Variants in B3GLCT observed in about 807,000 individuals in gnomAD.
B3GLCT encodes the protein beta-1,3-glucosyltransferase.
B3GLCT carries 65 observed loss-of-function variants against 63.4 expected under a neutral mutation model. The observed-to-expected ratio is 1.03, with a 90% CI of 0.84 to 1.26. The LOEUF (loss-of-function observed/expected upper bound fraction) is 1.26. Among genes scored for constraint, B3GLCT ranks in the 50% most tolerant of loss-of-function variants. B3GLCT has a pLI of 0.00. For missense variants in B3GLCT, 577 were observed against 604.8 expected (o/e 0.95, Z 0.48); for synonymous variants, 233 against 219.2 (o/e 1.06, Z -0.55).
intron 1 of B3GLCT, among the ~76,000 whole-genome samples, chr13:31,201,897 G>A (rs936803802): frequency 1.6e-4 from 24 of 152,172 alleles, no homozygotes; most frequent in African/African-American, 5.8e-4. Flanking sequence ...GACATAAAAT[G>A]CATTAAAAGG....
chr13:31,213,651 C>T (rs1005208522), intron 1 of B3GLCT, among the ~76,000 whole-genome samples: 6 of 122,434 alleles, frequency 4.9e-5, no homozygotes, highest in Admixed American at 1.1e-4. Flanking sequence ...CTCACTATAA[C>T]TGTATTCCTG....
intron 6 of B3GLCT, among the ~76,000 whole-genome samples, chr13:31,255,994 A>C (rs962792711): frequency 3.1e-4 from 47 of 152,364 alleles, no homozygotes; most frequent in African/African-American, 1.0e-3. Flanking sequence ...AACTATCATC[A>C]GACCAAACAT....
chr13:31,236,556 C>T (rs988244964), intron 4 of B3GLCT, among the ~76,000 whole-genome samples: 5 of 152,130 alleles, frequency 3.3e-5, no homozygotes, highest in African/African-American at 9.7e-5. Context: ...ATACGAAGGT[C>T]GGTTATTGTT....
Position 31,199,995 on chromosome 13 carries a change from G to C in B3GLCT, c.-90G>C, listed in dbSNP as rs113017441. On this transcript the variant is annotated 5_prime_UTR_variant, in exon 1 of 15. Transcript: ENST00000343307. ...CCGGCAGAGAAGGGTCAGCCGCGGC[G>C]GCAGGGCGGCGGCGGCAGCGGCGCA... 1.3e-6 allele frequency: 1 copy of C among 751,010 alleles called. No individual in the cohort carries two copies. The highest frequency in any genetic ancestry group is 1.8e-6 in the Non-Finnish European group (1 of 570,066). The allele number at this position is 751,010 out of a possible 1,614,324, so 46.5% of individuals were successfully genotyped here.
intron 10 of B3GLCT, among the ~76,000 whole-genome samples, chr13:31,283,958 T>C (rs1873193449): frequency 6.6e-6 from 1 of 152,196 alleles, no homozygotes; most frequent in Non-Finnish European, 1.5e-5. Context: ...CTTGGTCAGG[T>C]GAATTAATAT....
chr13:31,289,059 C>G (rs1462708285), intron 12 of B3GLCT, among the ~76,000 whole-genome samples: 1 of 151,842 alleles, frequency 6.6e-6, no homozygotes, highest in African/African-American at 2.4e-5. Context: ...ATTTAAAAAA[C>G]CAAACAGATT....
chr13:31,253,961 T>C (rs1407861687), intron 6 of B3GLCT, among the ~76,000 whole-genome samples: 2 of 151,336 alleles, frequency 1.3e-5, no homozygotes, highest in East Asian at 3.9e-4. Flanking sequence ...CCTGGACACA[T>C]GCAAGACTAA....
intron 6 of B3GLCT, among the ~76,000 whole-genome samples, chr13:31,251,307 C>A (rs139744935): frequency 6.6e-6 from 1 of 152,190 alleles, no homozygotes; most frequent in Non-Finnish European, 1.5e-5. Context: ...AACACCTCTT[C>A]TCCTTCAAAG....
intron 4 of B3GLCT, 101 bp downstream of exon 4, chr13:31,229,395 C>A (rs541254146): frequency 2.6e-6 from 2 of 772,030 alleles, no homozygotes; most frequent in African/African-American, 1.7e-5. Context: ...TTTATTTAGA[C>A]GAGAATAACT....
chr13:31,286,969 A>G (rs1474365720), intron 12 of B3GLCT, 150 bp downstream of exon 12: 3 of 570,184 alleles, frequency 5.3e-6, no homozygotes, highest in South Asian at 5.5e-5. Flanking sequence ...AACAAAATAT[A>G]TAAAACAAAG....
Position 31,215,131 on chromosome 13 carries a change from C to T in B3GLCT, c.120+31C>T. On this transcript the variant is annotated intron_variant, in intron 2 of 14. Coordinates refer to ENST00000343307, the MANE Select transcript of B3GLCT (RefSeq NM_194318.4). ...AATCCCAATGATCAAATCTTTTCCT[C>T]CCTTCTAAGATTCATTTGTATTTTC... The T allele has an allele frequency of 1.9e-6, 3 of 1,585,004 alleles. No homozygotes were observed. In the South Asian group the frequency reaches 3.3e-5, roughly 18 times the overall value.
At chr13:31,280,361 T>A (rs1873010338) in intron 10 of B3GLCT, among the ~76,000 whole-genome samples, 1 of 152,220 alleles carries the variant, frequency 6.6e-6, no homozygotes, top group Non-Finnish European at 1.5e-5. Flanking sequence ...GGTCCCTCCG[T>A]TTGGGGTCCC....
At chr13:31,302,566 G>A (rs1409135686) in intron 12 of B3GLCT, among the ~76,000 whole-genome samples, 3 of 108,922 alleles carry the variant, frequency 2.8e-5, no homozygotes, top group African/African-American at 7.0e-5. Context: ...AAGGGGTGAC[G>A]GACGCACCTG....
chr13:31,309,044 A>T (rs1014986497), intron 12 of B3GLCT, among the ~76,000 whole-genome samples: 25 of 152,174 alleles, frequency 1.6e-4, no homozygotes, highest in African/African-American at 5.6e-4. Context: ...CCAATTCTCC[A>T]TCTCTAAATT....
In B3GLCT at chr13:31,274,591, A is replaced by C. The variant is rs1021618959; in HGVS notation, c.743A>C (p.Tyr248Ser). The change falls in exon 9 of 15, where the codon TAC becomes TCC. Residue 248 changes from tyrosine to serine, a missense_variant. Physicochemically the swap from Tyr to Ser is moderately radical, Grantham distance 144 (BLOSUM62 -2). Coordinates refer to ENST00000343307, the MANE Select transcript of B3GLCT (RefSeq NM_194318.4). ...PEFCTNDVDF[Y>S]CATTFHSFLP... ...TTTTGTACCAATGACGTGGACTTCT[A>C]CTGTGCTACCACATTCCATTCTTTT... The C allele has an allele frequency of 3.1e-5, 50 of 1,614,104 alleles. No homozygotes were observed. Among genetic ancestry groups the C allele is most frequent in the Non-Finnish European group, 4.0e-5 (47 of 1,180,050 alleles).
intron 12 of B3GLCT, among the ~76,000 whole-genome samples, chr13:31,304,644 TGCACCCAATACAGGA>T (rs1319617950): frequency 2.8e-5 from 1 of 36,112 alleles, no homozygotes; most frequent in Non-Finnish European, 5.0e-5. Flanking sequence ...TAAATATTTA[TGCACCCAATACAGGA>T]GCACCCAGAT....
At chr13:31,204,207 G>A (rs568778048) in intron 1 of B3GLCT, among the ~76,000 whole-genome samples, 2 of 152,242 alleles carry the variant, frequency 1.3e-5, no homozygotes, top group South Asian at 4.1e-4. Context: ...ATCTCAACAG[G>A]GAGCCATCTT....
intron 2 of B3GLCT, among the ~76,000 whole-genome samples, chr13:31,217,942 A>T (rs1869635502): frequency 6.6e-6 from 1 of 151,870 alleles, no homozygotes; most frequent in Non-Finnish European, 1.5e-5. Context: ...GAATTTTAGA[A>T]TTTTTTTTCT....
At chr13:31,246,951 C>CTTTTTTTTTT (rs66466340) in intron 4 of B3GLCT, 72 bp from the exon 5 acceptor site, 136 of 779,588 alleles carry the variant, frequency 1.7e-4, no homozygotes, top group South Asian at 3.4e-4. Flanking sequence ...CTTTTCTTTT[C>CTTTTTTTTTT]TTTTTTTTTT....
Sources: gnomAD v4.1 joint callset for allele counts (sites outside exome capture counted in the v4.1 genomes callset) on GRCh38, gnomAD v4.1.1 for gene constraint, MANE v1.5 for transcripts, NCBI Gene and HGNC (gene_info 2026-07-23, HGNC 2026-07-21) for gene names.